CSMD1: variants seen among roughly 807,000 people sequenced by gnomAD.
The protein encoded by CSMD1 is CUB and sushi domain-containing protein 1.
In CSMD1, 213 loss-of-function variants were observed where a neutral mutation model predicts 417.5. That is an observed-to-expected ratio of 0.51 (90% confidence interval 0.46 to 0.57). The LOEUF (loss-of-function observed/expected upper bound fraction) is 0.57, where lower values mean the gene tolerates loss of function less well. Ranked by LOEUF, CSMD1 falls within the 20% of genes least tolerant of loss-of-function variation. The pLI is 0.00. For missense variants in CSMD1, 6,923 were observed against 4,529.7 expected, an observed-to-expected ratio of 1.53 and a Z score of -15.17; for synonymous variants, 2,862 against 1,736.8, an observed-to-expected ratio of 1.65 and a Z score of -16.11.
chr8:3,284,479 C>T (rs959028730), intron 25 of CSMD1, 133 bp from the exon 26 acceptor site: 1 of 666,706 alleles, frequency 1.5e-6, no homozygotes, highest in South Asian at 1.8e-5. Context: ...TACTGTCTGA[C>T]AATGAAGGAT....
intron 8 of CSMD1, among the ~76,000 whole-genome samples, chr8:3,614,526 T>C (rs1471329470): frequency 6.6e-6 from 1 of 152,230 alleles, no homozygotes; most frequent in Non-Finnish European, 1.5e-5. Flanking sequence ...GGCCTGAATA[T>C]TCACAACTTC....
intron 3 of CSMD1, among the ~76,000 whole-genome samples, chr8:4,417,039 A>G (rs901913478): frequency 2.2e-4 from 34 of 152,190 alleles, no homozygotes; most frequent in African/African-American, 7.2e-4. Context: ...ACTAGCAAGT[A>G]AAATCTTACA....
At chr8:3,104,415 C>T (rs931762959) in intron 46 of CSMD1, among the ~76,000 whole-genome samples, 1 of 152,120 alleles carries the variant, frequency 6.6e-6, no homozygotes, top group Middle Eastern at 3.2e-3. Flanking sequence ...TTGATGACTT[C>T]CACAGCCTAC....
intron 3 of CSMD1, among the ~76,000 whole-genome samples, chr8:4,238,990 C>G (rs1255237681): frequency 6.6e-6 from 1 of 152,182 alleles, no homozygotes; most frequent in Non-Finnish European, 1.5e-5. Flanking sequence ...TTTCCTGCTT[C>G]CCATCACTAT....
intron 5 of CSMD1, among the ~76,000 whole-genome samples, chr8:3,887,152 A>C (rs1396298866): frequency 1.3e-5 from 2 of 152,152 alleles, no homozygotes; most frequent in Admixed American, 1.3e-4. Context: ...GGATGATGGC[A>C]TGCGTAGAGG....
intron 15 of CSMD1, among the ~76,000 whole-genome samples, chr8:3,399,759 A>G (rs1563348145): frequency 6.6e-6 from 1 of 152,228 alleles, no homozygotes; most frequent in Non-Finnish European, 1.5e-5. Flanking sequence ...TTCTCTAGTA[A>G]TGGTAATGTA....
At chr8:3,208,137 A>G (rs1163206969) in intron 30 of CSMD1, among the ~76,000 whole-genome samples, 1 of 152,214 alleles carries the variant, frequency 6.6e-6, no homozygotes, top group East Asian at 1.9e-4. Context: ...ATACAATTCA[A>G]ACATATCATT....
intron 1 of CSMD1, among the ~76,000 whole-genome samples, chr8:4,927,395 G>T (rs991271395): frequency 6.6e-6 from 1 of 152,022 alleles, no homozygotes; most frequent in Non-Finnish European, 1.5e-5. Context: ...ATAAATCCCT[G>T]CCAAACTGCC....
chr8:3,756,649 A>G (rs1435326186), intron 5 of CSMD1, among the ~76,000 whole-genome samples: 1 of 152,220 alleles, frequency 6.6e-6, no homozygotes, highest in African/African-American at 2.4e-5. Context: ...AAGACTATGA[A>G]TACAAAAGAT....
Position 4,547,673 on chromosome 8 carries a change from C to G in CSMD1, c.302+89669G>C, listed in dbSNP as rs1234813707. 2.6e-5 allele frequency among the ~76,000 whole-genome samples: 4 copies of G among 152,116 alleles called. No individual in the cohort carries two copies. In the South Asian group the frequency reaches 6.2e-4, roughly 24 times the overall value. On this transcript the variant is annotated intron_variant, in intron 2 of 69. Coordinates refer to ENST00000635120, the MANE Select transcript of CSMD1 (RefSeq NM_033225.6). ...TGAATGTAAAACGAATGATTGAGTT[C>G]TGTATGAGAAATGGTAAATTAAAAA...
rs973670547 is a variant in CSMD1 at position 4,241,222 on chromosome 8, C to G, written c.415+178731G>C. On this transcript the variant is annotated intron_variant, in intron 3 of 69. Coordinates refer to ENST00000635120, the MANE Select transcript of CSMD1 (RefSeq NM_033225.6). Reference sequence around the variant, plus strand: ...AACAAAGTCCATGACTTGTAGCACACTAGAATAGAATTTGACACCCTTCAT... The same window carrying G: ...AACAAAGTCCATGACTTGTAGCACAGTAGAATAGAATTTGACACCCTTCAT... 3.9e-5 allele frequency among the ~76,000 whole-genome samples: 6 copies of G among 152,180 alleles called. 1 individual carries two copies. Among genetic ancestry groups the G allele is most frequent in the African/African-American group, 1.4e-4 (6 of 41,452 alleles).
chr8:3,118,418 G>C lies in CSMD1; in HGVS notation c.6411C>G (p.Tyr2137Ter), dbSNP rs909359634. The C allele has an allele frequency of 6.2e-7, 1 of 1,613,066 alleles. No individual in the cohort carries two copies. The highest frequency in any genetic ancestry group is 1.3e-5 in the African/African-American group (1 of 74,868). ...CQHGINRNWN[Y>*]PFPRCDAPCG... Reference sequence around the variant, plus strand: ...ACTTACCATCACATCTTGGAAAAGGGTAGTTCCAGTTTCTGTTGATCCCAT... The same window carrying C: ...ACTTACCATCACATCTTGGAAAAGGCTAGTTCCAGTTTCTGTTGATCCCAT... The change falls in exon 42 of 70, where the codon TAC becomes TAG. Residue 2137 changes from tyrosine (Y) to a stop codon, truncating the protein, a stop_gained. Coordinates refer to ENST00000635120, the MANE Select transcript of CSMD1 (RefSeq NM_033225.6). LOFTEE classifies it high-confidence loss of function.
intron 1 of CSMD1, among the ~76,000 whole-genome samples, chr8:4,843,407 C>T (rs569154268): frequency 1.3e-5 from 2 of 151,550 alleles, no homozygotes; most frequent in East Asian, 3.9e-4. Context: ...GTTTTCATGA[C>T]TTTCCTTACA....
chr8:4,288,230 A>G (rs138869259), intron 3 of CSMD1, among the ~76,000 whole-genome samples: 60 of 152,238 alleles, frequency 3.9e-4, no homozygotes, highest in African/African-American at 1.4e-3. Context: ...AGGGCCTGGC[A>G]GTGCTGGGTG....
intron 1 of CSMD1, among the ~76,000 whole-genome samples, chr8:4,921,494 T>A (rs150090289): frequency 6.6e-6 from 1 of 152,354 alleles, no homozygotes; most frequent in African/African-American, 2.4e-5. Context: ...ATTCTCTGTA[T>A]GTAAGTTTGT....
At chr8:3,675,934 T>C (rs911164733) in intron 7 of CSMD1, among the ~76,000 whole-genome samples, 1 of 152,198 alleles carries the variant, frequency 6.6e-6, no homozygotes, top group African/African-American at 2.4e-5. Context: ...TGGAGAGTAA[T>C]GTACCTGAGT....
intron 3 of CSMD1, among the ~76,000 whole-genome samples, chr8:4,318,465 C>G (rs1799065490): frequency 6.6e-6 from 1 of 151,904 alleles, no homozygotes; most frequent in Non-Finnish European, 1.5e-5. Flanking sequence ...AGGTCATTAG[C>G]AAGTAATGAA....
chr8:4,916,037 C>T (rs78356744), intron 1 of CSMD1, among the ~76,000 whole-genome samples: 1 of 152,166 alleles, frequency 6.6e-6, no homozygotes, highest in African/African-American at 2.4e-5. Flanking sequence ...ATAGAATACA[C>T]TAGATTTGCC....
At chr8:4,535,440 T>G (rs1298242131) in intron 2 of CSMD1, among the ~76,000 whole-genome samples, 1 of 152,148 alleles carries the variant, frequency 6.6e-6, no homozygotes, top group Non-Finnish European at 1.5e-5. Context: ...GCTTGTAGAT[T>G]TGCTTTGCAA....
Sources: gnomAD v4.1 joint callset for allele counts (sites outside exome capture counted in the v4.1 genomes callset) on GRCh38, gnomAD v4.1.1 for gene constraint, MANE v1.5 for transcripts, NCBI Gene and HGNC (gene_info 2026-07-23, HGNC 2026-07-21) for gene names.